CCDC102B: variants seen among roughly 807,000 people sequenced by gnomAD.
The protein encoded by CCDC102B is coiled-coil domain containing 102B.
Under a neutral mutation model 57.4 loss-of-function variants are expected in CCDC102B, and 75 were observed. The ratio of observed to expected loss-of-function variants is 1.31; its 90% confidence interval spans 1.08 to 1.58. CCDC102B has a LOEUF of 1.58. CCDC102B is among the 40% of genes most tolerant of loss of function. The pLI, the probability that CCDC102B is intolerant of heterozygous loss-of-function variation, is 0.00. For synonymous variants in CCDC102B, 206 were observed against 201.9 expected, an observed-to-expected ratio of 1.02 and a Z score of -0.17; for missense variants, 636 against 582.6, an observed-to-expected ratio of 1.09 and a Z score of -0.94.
intron 6 of CCDC102B, among the ~76,000 whole-genome samples, chr18:68,905,955 G>A (rs955326736): frequency 7.9e-5 from 12 of 151,786 alleles, no homozygotes; most frequent in African/African-American, 1.4e-4. Flanking sequence ...CACCACGCCC[G>A]GCTAATTTTT....
chr18:69,048,407 A>G (rs1457018707), intron 7 of CCDC102B, among the ~76,000 whole-genome samples: 2 of 152,146 alleles, frequency 1.3e-5, no homozygotes, highest in African/African-American at 2.4e-5. Context: ...TGAATGTTGA[A>G]CATTCTGGTT....
intron 4 of CCDC102B, among the ~76,000 whole-genome samples, chr18:68,867,685 A>G (rs1306103077): frequency 2.6e-5 from 4 of 152,156 alleles, no homozygotes; most frequent in Non-Finnish European, 5.9e-5. Flanking sequence ...CTGTAATCCC[A>G]GCACTTTGGG....
At chr18:68,750,283 T>C (rs2033795003) in intron 2 of CCDC102B, among the ~76,000 whole-genome samples, 2 of 152,096 alleles carry the variant, frequency 1.3e-5, no homozygotes, top group African/African-American at 2.4e-5. Context: ...CATTAAAAAG[T>C]CAGGAAACAA....
intron 4 of CCDC102B, among the ~76,000 whole-genome samples, chr18:68,861,869 G>T (rs1031714027): frequency 6.6e-6 from 1 of 152,038 alleles, no homozygotes; most frequent in African/African-American, 2.4e-5. Flanking sequence ...GAAGGTGTTA[G>T]AAATAAATAA....
At chr18:68,889,163 A>T (rs1599639703) in intron 5 of CCDC102B, among the ~76,000 whole-genome samples, 1 of 152,248 alleles carries the variant, frequency 6.6e-6, no homozygotes, top group East Asian at 1.9e-4. Context: ...ACATATTGAA[A>T]ACTTAATCCT....
At chr18:68,970,526 CT>C (rs201320085) in intron 6 of CCDC102B, among the ~76,000 whole-genome samples, 111 of 147,420 alleles carry the variant, frequency 7.5e-4, no homozygotes, top group African/African-American at 2.1e-3. Context: ...GTATTAATTA[CT>C]TTTTTTTTTT....
chr18:69,011,362 ATGTGTGTGTGTG>A (rs72492630), intron 7 of CCDC102B: 30 of 349,142 alleles, frequency 8.6e-5, no homozygotes, highest in Middle Eastern at 1.5e-3. Context: ...GCACGTGCGC[ATGTGTGTGTGTG>A]TGTGTGTGTG....
At chr18:68,770,254 T>G (rs1165539427) in intron 2 of CCDC102B, among the ~76,000 whole-genome samples, 1 of 152,218 alleles carries the variant, frequency 6.6e-6, no homozygotes, top group Non-Finnish European at 1.5e-5. Flanking sequence ...CTCCACTAGT[T>G]GATGCAATAC....
chr18:68,794,233 G>T (rs1167460490), upstream of CCDC102B, among the ~76,000 whole-genome samples: 1 of 152,008 alleles, frequency 6.6e-6, no homozygotes, highest in Admixed American at 6.6e-5. Flanking sequence ...GACTTCACCA[G>T]CTTATTATCA....
chr18:68,806,532 T>C (rs2036039523), intron 1 of CCDC102B, among the ~76,000 whole-genome samples: 1 of 152,102 alleles, frequency 6.6e-6, no homozygotes, highest in African/African-American at 2.4e-5. Flanking sequence ...CTCTAGGTGT[T>C]AGAGACAGCA....
intron 2 of CCDC102B, among the ~76,000 whole-genome samples, chr18:68,785,929 C>G (rs535145234): frequency 2.8e-4 from 42 of 151,700 alleles, no homozygotes; most frequent in African/African-American, 9.4e-4. Flanking sequence ...ATGGTAAAGC[C>G]TAGGTTTTCT....
intron 1 of CCDC102B, among the ~76,000 whole-genome samples, chr18:68,805,972 C>T (rs1163997388): frequency 6.6e-6 from 1 of 152,020 alleles, no homozygotes; most frequent in Non-Finnish European, 1.5e-5. Flanking sequence ...TTGATCAGTC[C>T]TACAGACTGT....
intron 6 of CCDC102B, among the ~76,000 whole-genome samples, chr18:68,983,635 A>G (rs1055922007): frequency 6.6e-6 from 1 of 152,034 alleles, no homozygotes; most frequent in East Asian, 1.9e-4. Flanking sequence ...AAGTTTGAAA[A>G]AAAATATTTA....
intron 2 of CCDC102B, among the ~76,000 whole-genome samples, chr18:68,779,632 C>T (rs1171235054): frequency 1.3e-5 from 2 of 151,696 alleles, no homozygotes; most frequent in East Asian, 3.9e-4. Context: ...ATGATTGTTG[C>T]ACAATCAAAA....
chr18:68,785,570 G>A (rs1712061208), intron 2 of CCDC102B, among the ~76,000 whole-genome samples: 1 of 151,010 alleles, frequency 6.6e-6, no homozygotes, highest in Non-Finnish European at 1.5e-5. Context: ...ACGTTTCTCT[G>A]ATGGCCAGTG....
intron 7 of CCDC102B, among the ~76,000 whole-genome samples, chr18:69,035,927 A>G (rs954704621): frequency 6.6e-6 from 1 of 152,038 alleles, no homozygotes; most frequent in African/African-American, 2.4e-5. Context: ...TCCAAGCTGG[A>G]TAGATTATAA....
intron 5 of CCDC102B, among the ~76,000 whole-genome samples, chr18:68,884,695 C>T (rs964209417): frequency 2.0e-5 from 3 of 149,948 alleles, no homozygotes; most frequent in Non-Finnish European, 4.4e-5. Flanking sequence ...CTCTGACCTA[C>T]ATCTCCCCAT....
intron 6 of CCDC102B, among the ~76,000 whole-genome samples, chr18:68,905,913 C>A (rs1404595438): frequency 6.6e-6 from 1 of 151,444 alleles, no homozygotes; most frequent in Non-Finnish European, 1.5e-5. Context: ...CCTGCCTCAG[C>A]CTCCCAGGTA....
At chr18:68,757,931 A>G (rs1358777609) in intron 2 of CCDC102B, among the ~76,000 whole-genome samples, 1 of 151,660 alleles carries the variant, frequency 6.6e-6, no homozygotes, top group Admixed American at 6.6e-5. Flanking sequence ...AAAGACATCA[A>G]GATGGTTAGA....
Sources: allele counts gnomAD v4.1 joint callset (sites outside exome capture counted in the v4.1 genomes callset), GRCh38; gene constraint gnomAD v4.1.1; transcripts MANE v1.5; gene names NCBI Gene and HGNC (gene_info 2026-07-23, HGNC 2026-07-21).